CBLN2: variants seen among roughly 807,000 people sequenced by gnomAD.
The protein encoded by CBLN2 is cerebellin-2.
Under a neutral mutation model 15.0 loss-of-function variants are expected in CBLN2, and 7 were observed. That is an observed-to-expected ratio of 0.47 (90% CI 0.27 to 0.88). CBLN2 has a LOEUF of 0.88. Among genes scored for constraint, CBLN2 ranks in the 40% least tolerant of loss-of-function variants. CBLN2 has a pLI of 0.14. For missense variants in CBLN2, 242 were observed against 304.5 expected (o/e 0.79, Z 1.53); for synonymous variants, 149 against 135.2 (o/e 1.10, Z -0.71).
At chr18:72,585,332 T>C (rs928434779) in intron 1 of CBLN2, among the ~76,000 whole-genome samples, 1 of 152,150 alleles carries the variant, frequency 6.6e-6, no homozygotes, top group Admixed American at 6.5e-5. Flanking sequence ...AAGAATGAGG[T>C]ATGCAAACAA....
intron 1 of CBLN2, among the ~76,000 whole-genome samples, chr18:72,598,035 C>A (rs2069524398): frequency 6.6e-6 from 1 of 152,156 alleles, no homozygotes; most frequent in African/African-American, 2.4e-5. Context: ...TGCTCTATAC[C>A]ACCGTGGCTG....
Position 72,543,647 on chromosome 18 carries a change from G to A in CBLN2, c.-211-117C>T. On this transcript the variant is annotated intron_variant, in intron 1 of 4. Coordinates refer to ENST00000269503, the MANE Select transcript of CBLN2 (RefSeq NM_182511.4). This position sits in a 1 kb window ranked among gnomAD's most constrained non-coding sequence, Gnocchi z 6.8. ...CCCGCCCTGCCGCTTTCCCGCGCCA[G>A]CCTGCGCCGCTTCAGGGGTGCACCA... The A allele has an allele frequency of 2.6e-6, 1 of 379,652 alleles. No individual in the cohort carries two copies. The highest frequency in any genetic ancestry group is 4.7e-6 in the Non-Finnish European group (1 of 214,102). 23.5% of individuals were successfully genotyped at this position (379,652 alleles called of 1,614,324 possible).
rs1037090377 is a variant in CBLN2 at position 72,560,342 on chromosome 18, G to T, written c.16-21570C>A. ...TGATCACATGGCTTCAGGAAAAGGG[G>T]CAGGCTTCTGTATGCCTCTTAAGTG... is the stretch of plus-strand genomic sequence containing the variant. On this transcript the variant is annotated intron_variant, in intron 1 of 2. Coordinates refer to the CBLN2 transcript ENST00000581073. 2.6e-5 allele frequency among the ~76,000 whole-genome samples: 4 copies of T among 152,216 alleles called. No individual in the cohort carries two copies. In the East Asian group the frequency reaches 5.8e-4, roughly 22 times the overall value.
At chr18:72,546,332 G>C (rs573235208), upstream of CBLN2, among the ~76,000 whole-genome samples, 2 of 152,146 alleles carry the variant, frequency 1.3e-5, no homozygotes, top group South Asian at 4.2e-4. Context: ...AGCTACTCGG[G>C]AGGCTGAGGC....
At chr18:72,618,685 G>A (rs991388733) in intron 1 of CBLN2, 6 of 751,334 alleles carry the variant, frequency 8.0e-6, no homozygotes, top group Admixed American at 7.0e-5. Flanking sequence ...GACCGACTGA[G>A]GCAGTGGCAA....
At chr18:72,583,156 C>G (rs1219891132) in intron 1 of CBLN2, among the ~76,000 whole-genome samples, 1 of 152,146 alleles carries the variant, frequency 6.6e-6, no homozygotes, top group Non-Finnish European at 1.5e-5. Flanking sequence ...ATTAAGACTC[C>G]CAGGTTGCCT....
chr18:72,566,260 C>T (rs374266444), intron 1 of CBLN2, among the ~76,000 whole-genome samples: 1 of 152,046 alleles, frequency 6.6e-6, no homozygotes. Flanking sequence ...CAGTATGGAA[C>T]GTCCTCAAAA....
rs147861894 is a variant in CBLN2 at position 72,583,804 on chromosome 18, T to C, written c.16-45032A>G. Among the ~76,000 whole-genome samples, 872 of 152,322 alleles carry C rather than the reference T, an allele frequency of 5.7e-3. 6 individuals carry two copies. Among genetic ancestry groups the C allele is most frequent in the Middle Eastern group, 0.031 (9 of 294 alleles). On this transcript the variant is annotated intron_variant, in intron 1 of 2. Coordinates refer to the CBLN2 transcript ENST00000581073. ...TTTGCTACATGTTAGAATCATGGCC[T>C]GGCCATCCCACTCCTGGCATTTTTC...
intron 1 of CBLN2, among the ~76,000 whole-genome samples, chr18:72,572,172 C>T (rs1210696751): frequency 6.6e-6 from 1 of 152,008 alleles, no homozygotes; most frequent in African/African-American, 2.4e-5. Flanking sequence ...ATATGAAGCT[C>T]GTGGTCATTG....
intron 3 of CBLN2, among the ~76,000 whole-genome samples, chr18:72,541,490 G>A (rs1165361503): frequency 6.6e-6 from 1 of 152,162 alleles, no homozygotes; most frequent in Non-Finnish European, 1.5e-5. Context: ...AACGTGCAAT[G>A]CTTCCTTTTG....
intron 1 of CBLN2, among the ~76,000 whole-genome samples, chr18:72,601,221 G>T (rs2069545862): frequency 6.6e-6 from 1 of 152,166 alleles, no homozygotes; most frequent in Non-Finnish European, 1.5e-5. Flanking sequence ...TCTTCCCAAA[G>T]TTAGCTTGAC....
At chr18:72,617,655 T>C (rs1232512466) in intron 1 of CBLN2, among the ~76,000 whole-genome samples, 1 of 152,230 alleles carries the variant, frequency 6.6e-6, no homozygotes, top group East Asian at 1.9e-4. Flanking sequence ...CTCATGAACC[T>C]GTTCAGTTTT....
intron 1 of CBLN2, among the ~76,000 whole-genome samples, chr18:72,606,731 G>A (rs2069585931): frequency 6.6e-6 from 1 of 152,240 alleles, no homozygotes; most frequent in African/African-American, 2.4e-5. Flanking sequence ...TCGGCCAGGA[G>A]TGTGGGGACC....
At chr18:72,603,402 G>T (rs947407160) in intron 1 of CBLN2, among the ~76,000 whole-genome samples, 1 of 152,202 alleles carries the variant, frequency 6.6e-6, no homozygotes, top group East Asian at 1.9e-4. Flanking sequence ...CCTAACAAAG[G>T]ATTCAGAGTG....
chr18:72,554,829 T>C (rs959387529), intron 1 of CBLN2, among the ~76,000 whole-genome samples: 5 of 152,046 alleles, frequency 3.3e-5, no homozygotes, highest in East Asian at 1.9e-4. Context: ...CTTGCTGATA[T>C]TGATTAAAAA....
intron 1 of CBLN2, among the ~76,000 whole-genome samples, chr18:72,584,245 C>T (rs1238440452): frequency 2.6e-5 from 4 of 152,084 alleles, no homozygotes; most frequent in Non-Finnish European, 4.4e-5. Flanking sequence ...CAGTGGCCTT[C>T]CTCCTGTCAC....
chr18:72,572,841 GTTA>G (rs2069340949), intron 1 of CBLN2, among the ~76,000 whole-genome samples: 1 of 151,676 alleles, frequency 6.6e-6, no homozygotes, highest in Non-Finnish European at 1.5e-5. Flanking sequence ...AAAAATGATT[GTTA>G]TTTTTATTAT....
intron 1 of CBLN2, among the ~76,000 whole-genome samples, chr18:72,558,844 G>C (rs187527369): frequency 1.3e-5 from 2 of 152,214 alleles, no homozygotes; most frequent in South Asian, 4.1e-4. Context: ...ACTTGAGCCC[G>C]GGAGTTCAAG....
intron 1 of CBLN2, among the ~76,000 whole-genome samples, chr18:72,553,265 G>C (rs933969080): frequency 7.9e-5 from 12 of 152,114 alleles, no homozygotes; most frequent in Admixed American, 5.9e-4. Flanking sequence ...AGAGGACTTT[G>C]GGAAATACAA....
Sources: allele counts gnomAD v4.1 joint callset (sites outside exome capture counted in the v4.1 genomes callset), GRCh38; gene constraint gnomAD v4.1.1; non-coding constraint Gnocchi (gnomAD v3.1); transcripts MANE v1.5; gene names NCBI Gene and HGNC (gene_info 2026-07-23, HGNC 2026-07-21).